Variants in SOX5 observed in about 807,000 individuals in gnomAD.
SOX5 encodes transcription factor SOX-5.
Under a neutral mutation model 92.0 loss-of-function variants are expected in SOX5, and 9 were observed. The ratio of observed to expected loss-of-function variants is 0.10; its 90% CI spans 0.06 to 0.17. The LOEUF (loss-of-function observed/expected upper bound fraction) is 0.17, where lower values mean the gene tolerates loss of function less well. Ranked by LOEUF, SOX5 falls within the 10% of genes least tolerant of loss-of-function variation. The pLI is 1.00. For synonymous variants in SOX5, 344 were observed against 336.3 expected, an observed-to-expected ratio of 1.02 and a Z score of -0.25; for missense variants, 642 against 944.5, an observed-to-expected ratio of 0.68 and a Z score of 4.20.
At chr12:23,702,723 G>C (rs1189299154) in intron 6 of SOX5, among the ~76,000 whole-genome samples, 3 of 151,886 alleles carry the variant, frequency 2.0e-5, no homozygotes, top group African/African-American at 4.8e-5. Flanking sequence ...TTATGCTGAA[G>C]AGAAATGAAC....
At chr12:24,376,998 C>T (rs556899843) in intron 1 of SOX5, among the ~76,000 whole-genome samples, 11 of 151,962 alleles carry the variant, frequency 7.2e-5, no homozygotes, top group Non-Finnish European at 1.5e-4. Flanking sequence ...GGCATAATCT[C>T]GACATGGCCC....
intron 2 of SOX5, among the ~76,000 whole-genome samples, chr12:24,286,510 C>T (rs1385396935): frequency 6.6e-6 from 1 of 152,154 alleles, no homozygotes; most frequent in Non-Finnish European, 1.5e-5. Flanking sequence ...TTGTCTCATG[C>T]TCCAGATGAA....
chr12:24,474,943 A>G (rs1202724836), intron 1 of SOX5, among the ~76,000 whole-genome samples: 1 of 151,404 alleles, frequency 6.6e-6, no homozygotes, highest in African/African-American at 2.4e-5. Flanking sequence ...TCTGCCTCCC[A>G]AGTTCAAGTG....
At chr12:24,449,808 C>T (rs1172347675) in intron 1 of SOX5, among the ~76,000 whole-genome samples, 1 of 152,152 alleles carries the variant, frequency 6.6e-6, no homozygotes, top group African/African-American at 2.4e-5. Context: ...TCACACTCAT[C>T]CACCAGTCTT....
intron 9 of SOX5, among the ~76,000 whole-genome samples, chr12:23,580,232 G>C (rs1445296873): frequency 6.6e-6 from 1 of 151,900 alleles, no homozygotes; most frequent in East Asian, 1.9e-4. Flanking sequence ...CAGGTTTTTG[G>C]ACTCAACATA....
chr12:23,916,077 C>G (rs1420238494), intron 1 of SOX5, among the ~76,000 whole-genome samples: 1 of 152,100 alleles, frequency 6.6e-6, no homozygotes, highest in Non-Finnish European at 1.5e-5. Flanking sequence ...ATCAAGCTAA[C>G]ACAAGAAATA....
intron 11 of SOX5, among the ~76,000 whole-genome samples, chr12:23,549,133 G>T (rs1943700902): frequency 6.6e-6 from 1 of 151,906 alleles, no homozygotes; most frequent in Non-Finnish European, 1.5e-5. Flanking sequence ...ACTGGAAAAG[G>T]TAATATTTTG....
intron 2 of SOX5, among the ~76,000 whole-genome samples, chr12:24,316,263 T>C (rs1430758137): frequency 6.6e-6 from 1 of 151,786 alleles, no homozygotes; most frequent in Non-Finnish European, 1.5e-5. Context: ...AGTAGAAGGG[T>C]GGAGGGTCTA....
At chr12:23,776,886 G>A (rs946870641) in intron 3 of SOX5, among the ~76,000 whole-genome samples, 9 of 152,272 alleles carry the variant, frequency 5.9e-5, no homozygotes, top group Middle Eastern at 6.8e-3. Context: ...ACTGGTCAGC[G>A]GTCCAGGGGT....
intron 4 of SOX5, among the ~76,000 whole-genome samples, chr12:23,965,239 T>C (rs1947414775): frequency 6.6e-6 from 1 of 152,184 alleles, no homozygotes; most frequent in Non-Finnish European, 1.5e-5. Flanking sequence ...CCGGAACAGG[T>C]GGTCAAGGGC....
At chr12:24,145,417 C>T (rs113695366) in intron 4 of SOX5, among the ~76,000 whole-genome samples, 22 of 152,192 alleles carry the variant, frequency 1.4e-4, no homozygotes, top group African/African-American at 4.6e-4. Flanking sequence ...GATCTAACTA[C>T]GTGCACTTGA....
At chr12:24,562,522 C>A, upstream of SOX5, 1 of 153,682 alleles carries the variant, frequency 6.5e-6, no homozygotes. Context: ...CTCTCTCTCC[C>A]CCCGTCTCTC....
At chr12:24,290,238 A>G (rs1946465313) in intron 2 of SOX5, among the ~76,000 whole-genome samples, 1 of 152,240 alleles carries the variant, frequency 6.6e-6, no homozygotes, top group African/African-American at 2.4e-5. Context: ...CCAGAAGGCT[A>G]AAAGTATTTA....
rs932565928 is a variant in SOX5, at chr12:24,481,333, G to C, written c.-251+80996C>G. Reference sequence around the variant, plus strand: ...GTACAAGGAAATAGTTAGAAAGAATGAATAAGACCTAGTATATGATAGCTC... The same window carrying C: ...GTACAAGGAAATAGTTAGAAAGAATCAATAAGACCTAGTATATGATAGCTC... On this transcript the variant is annotated intron_variant, in intron 1 of 4. Transcript: ENST00000446891. 3.9e-5 allele frequency among the ~76,000 whole-genome samples: 6 copies of C among 152,158 alleles called. No homozygotes were observed. The South Asian group carries it at 1.2e-3, about 32-fold the overall frequency.
At chr12:24,441,987 A>G (rs1940685743) in intron 1 of SOX5, among the ~76,000 whole-genome samples, 1 of 152,234 alleles carries the variant, frequency 6.6e-6, no homozygotes, top group Admixed American at 6.5e-5. Flanking sequence ...AGGAAACTTA[A>G]AACAGTGGAG....
intron 4 of SOX5, among the ~76,000 whole-genome samples, chr12:23,982,027 T>A (rs1949619819): frequency 6.6e-6 from 1 of 152,174 alleles, no homozygotes; most frequent in Admixed American, 6.5e-5. Flanking sequence ...CTATATGTGA[T>A]CAACATCCAG....
chr12:24,506,455 T>G (rs1387670777), intron 1 of SOX5, among the ~76,000 whole-genome samples: 1 of 146,404 alleles, frequency 6.8e-6, no homozygotes, highest in Non-Finnish European at 1.5e-5. Flanking sequence ...ACAAGAAAAG[T>G]CTTGTTTGGG....
intron 7 of SOX5, among the ~76,000 whole-genome samples, chr12:23,641,271 G>A (rs1431722718): frequency 6.6e-6 from 1 of 152,014 alleles, no homozygotes; most frequent in African/African-American, 2.4e-5. Flanking sequence ...ATTATAAAAG[G>A]AACTTAACTT....
chr12:24,080,120 C>T (rs1472799708), intron 4 of SOX5, among the ~76,000 whole-genome samples: 1 of 151,674 alleles, frequency 6.6e-6, no homozygotes, highest in African/African-American at 2.4e-5. Context: ...CAATTTTTAG[C>T]AAAATTGTAT....
Sources: gnomAD v4.1 joint callset for allele counts (sites outside exome capture counted in the v4.1 genomes callset) on GRCh38, gnomAD v4.1.1 for gene constraint, MANE v1.5 for transcripts, NCBI Gene and HGNC (gene_info 2026-07-23, HGNC 2026-07-21) for gene names.